The following WDFY1 variants were observed in gnomAD, a reference collection of about 807,000 sequenced individuals.
WDFY1 encodes WD repeat and FYVE domain containing 1, also known as WD repeat and FYVE domain-containing protein 1.
A neutral mutation model predicts 56.4 loss-of-function variants in WDFY1; 32 were observed. The observed-to-expected ratio is 0.57, with a 90% CI of 0.43 to 0.76. The LOEUF (loss-of-function observed/expected upper bound fraction) is 0.76. Among genes scored for constraint, WDFY1 ranks in the 30% least tolerant of loss-of-function variants. The pLI, the probability that WDFY1 is intolerant of heterozygous loss-of-function variation, is 0.00. For missense variants in WDFY1, 480 were observed against 545.7 expected (o/e 0.88, Z 1.20); for synonymous variants, 192 against 197.3 (o/e 0.97, Z 0.23).
chr2:223,885,239 C>T (rs1408918213), intron 8 of WDFY1, among the ~76,000 whole-genome samples: 4 of 151,516 alleles, frequency 2.6e-5, no homozygotes, highest in African/African-American at 9.7e-5. Flanking sequence ...CACTCAGGCT[C>T]GAGTGCAGTG....
Position 223,901,295 on chromosome 2 carries a change from C to A in WDFY1, c.373G>T (p.Ala125Ser). The A allele has an allele frequency of 8.7e-6, 14 of 1,614,130 alleles. 1 individual carries two copies. The Middle Eastern group carries it at 2.3e-3, about 266-fold the overall frequency. Residue 125 changes from alanine to serine, a missense_variant, in exon 5 of 12, where the codon GCC (alanine) becomes TCC (serine). Physicochemically the swap from Ala to Ser is moderately conservative, Grantham distance 99 (BLOSUM62 1). Coordinates refer to ENST00000233055, the MANE Select transcript of WDFY1 (RefSeq NM_020830.5). Reference sequence around the variant, plus strand: ...CCGGTACTGATCACCCACTCTGTGGCCAAGCTGAAGATAATCGCAGACACC... The same window carrying A: ...CCGGTACTGATCACCCACTCTGTGGACAAGCTGAAGATAATCGCAGACACC... ...NRVSAIIFSLATEWVISTGHD... is the reference protein window; with the variant it reads ...NRVSAIIFSLSTEWVISTGHD...
intron 8 of WDFY1, among the ~76,000 whole-genome samples, chr2:223,892,226 T>A (rs1164564089): frequency 2.0e-5 from 3 of 152,196 alleles, no homozygotes. Context: ...TCCACCCACC[T>A]CAGCCTCCCA....
Position 223,901,264 on chromosome 2 carries a change from T to C in WDFY1, c.404A>G (p.Asp135Gly). ...CGTGCACATCCAGCTCACACACTTGTCGTGGCCGGTACTGATCACCCACTC... is the reference window on the plus strand; with the variant it reads ...CGTGCACATCCAGCTCACACACTTGCCGTGGCCGGTACTGATCACCCACTC... ...ATEWVISTGH[D>G]KCVSWMCTRS... The change falls in exon 5 of 12, where the codon GAC becomes GGC. Residue 135 changes from aspartate (D) to glycine (G), a missense_variant. Transcript: ENST00000233055. 1 of 1,614,106 alleles carries C rather than the reference T, an allele frequency of 6.2e-7. No individual in the cohort carries two copies. The highest frequency in any genetic ancestry group is 8.5e-7 in the Non-Finnish European group (1 of 1,180,010).
At chr2:223,903,146 CT>C (rs1559167626) in intron 4 of WDFY1, among the ~76,000 whole-genome samples, 1 of 152,126 alleles carries the variant, frequency 6.6e-6, no homozygotes, top group African/African-American at 2.4e-5. Context: ...CAAATGTTTT[CT>C]AAAATGTTAT....
At chr2:223,931,686 C>CTT (rs796921019) in intron 1 of WDFY1, among the ~76,000 whole-genome samples, 2 of 42,330 alleles carry the variant, frequency 4.7e-5, no homozygotes, top group South Asian at 1.8e-3. Context: ...ATTTTTCTTT[C>CTT]TTTTTTTTTT....
Position 223,881,942 on chromosome 2 carries a change from T to C in WDFY1, c.1064A>G (p.Asp355Gly), listed in dbSNP as rs201343451. The C allele has an allele frequency of 4.6e-5, 75 of 1,613,270 alleles. No homozygotes were observed. The East Asian group carries it at 1.2e-3, about 25-fold the overall frequency. The change falls in exon 10 of 12, where the codon GAT becomes GGT. Residue 355 changes from aspartate (D) to glycine (G), a missense_variant and splice_region_variant. Transcript: ENST00000233055. Reference protein sequence around the residue: ...DSCYDSIKDEDRTSLATFHEG... With the variant: ...DSCYDSIKDEGRTSLATFHEG... ...GAGACAAAAATATGCAAACACTCAC[T>C]CTTCATCTTTGATGGAGTCGTAACA...
chr2:223,891,520 T>G lies in WDFY1; in HGVS notation c.831+2714A>C, dbSNP rs1693277688. Among the ~76,000 whole-genome samples the G allele has an allele frequency of 2.0e-5, 3 of 152,116 alleles. No individual in the cohort carries two copies. The South Asian group carries it at 6.2e-4, about 32-fold the overall frequency. ...ACCCACTAAAAATAATGCATCTTTT[T>G]GACACAATTTGCCTTCCTGTCTCTT... On this transcript the variant is annotated intron_variant, in intron 8 of 11. Transcript: ENST00000233055.
intron 3 of WDFY1, 148 bp downstream of exon 3, chr2:223,912,105 G>A (rs1188285862): frequency 8.7e-6 from 7 of 802,056 alleles, no homozygotes; most frequent in Non-Finnish European, 1.1e-5. Context: ...GTGAGCCACT[G>A]TGCTTGGCCT....
chr2:223,932,021 A>G (rs1023618331), intron 1 of WDFY1, among the ~76,000 whole-genome samples: 31 of 150,864 alleles, frequency 2.1e-4, no homozygotes, highest in African/African-American at 7.1e-4. Flanking sequence ...CCCATACCAG[A>G]AAGGGCACTG....
At chr2:223,880,758 A>G (rs1038728423) in intron 10 of WDFY1, among the ~76,000 whole-genome samples, 1 of 92,666 alleles carries the variant, frequency 1.1e-5, no homozygotes, top group Non-Finnish European at 2.1e-5. Context: ...AATTCCCAAA[A>G]TAACTGATTT....
intron 4 of WDFY1, among the ~76,000 whole-genome samples, chr2:223,904,354 C>A (rs1233208695): frequency 6.6e-6 from 1 of 152,178 alleles, no homozygotes; most frequent in Non-Finnish European, 1.5e-5. Flanking sequence ...CGGGTTCAAG[C>A]GATTCTCCTG....
chr2:223,945,061 G>T (rs546404296), intron 1 of WDFY1, 87 bp downstream of exon 1: 2 of 1,425,348 alleles, frequency 1.4e-6, no homozygotes, highest in Non-Finnish European at 1.8e-6. Context: ...GCCCCCTCAC[G>T]CAGGAAGGAC....
chr2:223,927,279 G>C (rs1391783672), intron 1 of WDFY1, among the ~76,000 whole-genome samples: 1 of 152,190 alleles, frequency 6.6e-6, no homozygotes, highest in Non-Finnish European at 1.5e-5. Context: ...GTCCTAGATG[G>C]CATCTTCTTC....
chr2:223,903,652 T>G (rs952686469), intron 4 of WDFY1, among the ~76,000 whole-genome samples: 1 of 150,954 alleles, frequency 6.6e-6, no homozygotes, highest in African/African-American at 2.5e-5. Flanking sequence ...TTTTTTGTTT[T>G]TTTTTTTTTA....
intron 3 of WDFY1, among the ~76,000 whole-genome samples, chr2:223,911,993 TTCGTTGAGATGAGG>T (rs1293056604): frequency 6.6e-6 from 1 of 151,964 alleles, no homozygotes; most frequent in Non-Finnish European, 1.5e-5. Context: ...TTTTTGATTT[TTCGTTGAGATGAGG>T]TCTCACTATG....
intron 3 of WDFY1, among the ~76,000 whole-genome samples, chr2:223,911,672 C>T (rs1048532525): frequency 6.6e-6 from 1 of 151,254 alleles, no homozygotes; most frequent in African/African-American, 2.4e-5. Context: ...CTATAGGTGA[C>T]GTATTCACTC....
intron 3 of WDFY1, among the ~76,000 whole-genome samples, chr2:223,911,381 A>G (rs1693697452): frequency 6.6e-6 from 1 of 152,168 alleles, no homozygotes; most frequent in Non-Finnish European, 1.5e-5. Flanking sequence ...ATATACTTTA[A>G]AATGGTAAAT....
At chr2:223,925,924 C>A (rs1185412612) in intron 1 of WDFY1, among the ~76,000 whole-genome samples, 2 of 152,202 alleles carry the variant, frequency 1.3e-5, no homozygotes, top group South Asian at 4.1e-4. Context: ...AATTCTCTTG[C>A]TATTTCCACA....
chr2:223,917,833 A>C, intron 2 of WDFY1, 110 bp downstream of exon 2: 1 of 1,312,802 alleles, frequency 7.6e-7, no homozygotes, highest in Non-Finnish European at 1.1e-6. Flanking sequence ...TGGCCTCTCA[A>C]AGTGCTGGGA....
Sources: allele counts gnomAD v4.1 joint callset (sites outside exome capture counted in the v4.1 genomes callset), GRCh38; gene constraint gnomAD v4.1.1; transcripts MANE v1.5; gene names NCBI Gene and HGNC (gene_info 2026-07-23, HGNC 2026-07-21).